Variants in SYT6 observed in about 807,000 individuals in gnomAD.
The protein encoded by SYT6 is synaptotagmin-6.
A neutral mutation model predicts 38.4 loss-of-function variants in SYT6; 24 were observed. That is an observed-to-expected ratio of 0.62 (90% CI 0.45 to 0.88). The LOEUF (loss-of-function observed/expected upper bound fraction) is 0.88, where lower values mean the gene tolerates loss of function less well. Among genes scored for constraint, SYT6 ranks in the 40% least tolerant of loss-of-function variants. The pLI is 0.00. For missense variants in SYT6, 611 were observed against 621.0 expected (o/e 0.98, Z 0.17); for synonymous variants, 265 against 241.9 (o/e 1.10, Z -0.89).
intron 3 of SYT6, among the ~76,000 whole-genome samples, chr1:114,111,771 G>A (rs1676696201): frequency 1.7e-5 from 1 of 59,500 alleles, no homozygotes; most frequent in Non-Finnish European, 4.3e-5. Flanking sequence ...GTGAGGGGCT[G>A]CAGGAGGAGA....
rs956176074 is a variant in SYT6 at position 114,141,099 on chromosome 1, C to T, written c.164-1136G>A. Reference sequence around the variant, plus strand: ...AGGCCAATTGATAACCTTACTTTGACTTCTAAGTGTTCAGGTCAAAGAAAG... The same window carrying T: ...AGGCCAATTGATAACCTTACTTTGATTTCTAAGTGTTCAGGTCAAAGAAAG... On this transcript the variant is annotated intron_variant, in intron 1 of 7. Transcript: ENST00000610222. Among the ~76,000 whole-genome samples, 11 of 152,292 alleles carry T rather than the reference C, an allele frequency of 7.2e-5. No homozygotes were observed. In the East Asian group the frequency reaches 1.9e-3, roughly 27 times the overall value.
At chr1:114,148,439 G>A (rs565833281) in intron 1 of SYT6, among the ~76,000 whole-genome samples, 6 of 152,282 alleles carry the variant, frequency 3.9e-5, no homozygotes, top group South Asian at 2.1e-4. Flanking sequence ...TGGCTTCAGG[G>A]CCTGGAATTG....
At chr1:114,120,347 T>C (rs1329179385) in intron 3 of SYT6, among the ~76,000 whole-genome samples, 1 of 152,204 alleles carries the variant, frequency 6.6e-6, no homozygotes, top group Non-Finnish European at 1.5e-5. Context: ...GGACGCTGAA[T>C]TCTGTGACTA....
intron 1 of SYT6, among the ~76,000 whole-genome samples, chr1:114,144,053 A>G (rs996788034): frequency 1.3e-5 from 2 of 152,258 alleles, no homozygotes; most frequent in African/African-American, 4.8e-5. Flanking sequence ...TGGACAAACT[A>G]GCAGAAGAGT....
chr1:114,146,610 G>GA (rs2101118428), intron 1 of SYT6, among the ~76,000 whole-genome samples: 1 of 152,288 alleles, frequency 6.6e-6, no homozygotes, highest in South Asian at 2.1e-4. Context: ...TTCACTTCAG[G>GA]AAAAGCTAGA....
chr1:114,111,480 A>G (rs1255165724), intron 3 of SYT6, among the ~76,000 whole-genome samples: 2 of 152,004 alleles, frequency 1.3e-5, no homozygotes, highest in Non-Finnish European at 2.9e-5. Flanking sequence ...CTCCTCACTA[A>G]ATGCTCCAAG....
intron 1 of SYT6, among the ~76,000 whole-genome samples, chr1:114,143,406 T>C (rs2101107546): frequency 6.7e-6 from 1 of 148,660 alleles, no homozygotes; most frequent in Admixed American, 6.8e-5. Context: ...AGTATAAAAG[T>C]TATGTGTGTA....
Position 114,153,735 on chromosome 1 carries a change from T to C in SYT6, c.38A>G (p.Gln13Arg). The C allele has an allele frequency of 1.5e-6, 1 of 676,980 alleles. No individual in the cohort carries two copies. The highest frequency in any genetic ancestry group is 1.5e-5 in the South Asian group (1 of 65,730). The allele number at this position is 676,980 out of a possible 1,614,324, so 41.9% of individuals were successfully genotyped here. Residue 13 changes from glutamine (Q) to arginine (R), a missense_variant, in exon 1 of 8, where the codon CAG becomes CGG. Coordinates refer to ENST00000610222, the MANE Select transcript of SYT6 (RefSeq NM_001253772.2). ...CGAGGCGAGGACCGCGAGCGCCTCC[T>C]GGCACCGAGGCCCGCCGGCCCCCCA... ...GVWGAGGPRC[Q>R]EALAVLASLC...
intron 3 of SYT6, among the ~76,000 whole-genome samples, chr1:114,114,801 T>A (rs1395953260): frequency 6.6e-6 from 1 of 152,178 alleles, no homozygotes; most frequent in South Asian, 2.1e-4. Flanking sequence ...GCAACTGAAG[T>A]CATTAAATAT....
chr1:114,144,148 C>A (rs1571899821), intron 1 of SYT6, among the ~76,000 whole-genome samples: 1 of 152,304 alleles, frequency 6.6e-6, no homozygotes, highest in Middle Eastern at 3.4e-3. Flanking sequence ...TGGAAAAGAC[C>A]AATGACTTGG....
At chr1:114,115,855 TTG>T (rs1487689398) in intron 3 of SYT6, among the ~76,000 whole-genome samples, 2 of 152,162 alleles carry the variant, frequency 1.3e-5, no homozygotes, top group Non-Finnish European at 2.9e-5. Flanking sequence ...GGACTCAGGT[TTG>T]TTGACTCTGA....
rs1678615191 is a variant in SYT6 at position 114,138,064 on chromosome 1, G to A, written c.513-11C>T. ...TTGAAGGACGTGTGCCTGGTAGAGG[G>A]CAGGAGGGGGCAGAGGGAGTGTGGT... On this transcript the variant is annotated splice_polypyrimidine_tract_variant and intron_variant, in intron 2 of 7. Coordinates refer to ENST00000610222, the MANE Select transcript of SYT6 (RefSeq NM_001253772.2). 2 of 1,609,152 alleles carry A rather than the reference G, an allele frequency of 1.2e-6. No individual in the cohort carries two copies. Among genetic ancestry groups the A allele is most frequent in the Admixed American group, 1.7e-5 (1 of 59,778 alleles).
intron 3 of SYT6, among the ~76,000 whole-genome samples, chr1:114,105,293 C>T (rs1167056516): frequency 1.3e-5 from 2 of 150,254 alleles, no homozygotes; most frequent in East Asian, 2.1e-4. Context: ...CTCCTGGAGA[C>T]TCCTACAGCC....
chr1:114,130,693 G>A (rs1484720675), intron 3 of SYT6, among the ~76,000 whole-genome samples: 1 of 152,154 alleles, frequency 6.6e-6, no homozygotes, highest in African/African-American at 2.4e-5. Flanking sequence ...TTCCTTGAAA[G>A]CAAGGACTAT....
At chr1:114,130,075 G>T (rs1370794872) in intron 3 of SYT6, among the ~76,000 whole-genome samples, 1 of 151,948 alleles carries the variant, frequency 6.6e-6, no homozygotes, top group Non-Finnish European at 1.5e-5. Flanking sequence ...TATCTGCAGG[G>T]TTCTCTCCCA....
chr1:114,129,067 C>G (rs1290033119), intron 3 of SYT6, among the ~76,000 whole-genome samples: 1 of 152,166 alleles, frequency 6.6e-6, no homozygotes, highest in Non-Finnish European at 1.5e-5. Flanking sequence ...AGCTCCTAAT[C>G]TTCCTCCCCA....
intron 6 of SYT6, among the ~76,000 whole-genome samples, chr1:114,096,211 A>T (rs1398883650): frequency 6.6e-6 from 1 of 151,440 alleles, no homozygotes; most frequent in Non-Finnish European, 1.5e-5. Context: ...TCTGCCCAGC[A>T]GTGCCTCCTG....
chr1:114,117,927 G>A (rs17032358), intron 3 of SYT6, among the ~76,000 whole-genome samples: 6,529 of 152,306 alleles, frequency 0.043, 238 homozygotes, highest in African/African-American at 0.096. Context: ...CACTGAAGAC[G>A]CCTCACAGGG....
intron 3 of SYT6, among the ~76,000 whole-genome samples, chr1:114,118,806 C>A (rs144200362): frequency 1.3e-5 from 2 of 152,220 alleles, no homozygotes; most frequent in Non-Finnish European, 2.9e-5. Context: ...CATCTCCTGT[C>A]GGTGTCAGCT....
Sources: allele counts gnomAD v4.1 joint callset (sites outside exome capture counted in the v4.1 genomes callset), GRCh38; gene constraint gnomAD v4.1.1; transcripts MANE v1.5; gene names NCBI Gene and HGNC (gene_info 2026-07-23, HGNC 2026-07-21).